The following CCDC171 variants were observed in gnomAD, a reference collection of about 807,000 sequenced individuals.
CCDC171 encodes the protein coiled-coil domain containing 171, also known as coiled-coil domain-containing protein 171.
In CCDC171, 177 loss-of-function variants were observed where a neutral mutation model predicts 168.2. The ratio of observed to expected loss-of-function variants is 1.05; its 90% CI spans 0.93 to 1.19. The LOEUF (loss-of-function observed/expected upper bound fraction) is 1.19, where lower values mean the gene tolerates loss of function less well. Ranked by LOEUF, CCDC171 falls within the 50% of genes most tolerant of loss-of-function variation. The probability of loss-of-function intolerance (pLI) is 0.00; values close to 1 mark genes in which losing one functional copy is unlikely to be tolerated. For missense variants in CCDC171, 1,991 were observed against 1,539.0 expected, an observed-to-expected ratio of 1.29 and a Z score of -4.91; for synonymous variants, 687 against 540.8, an observed-to-expected ratio of 1.27 and a Z score of -3.75.
At chr9:15,992,994 A>G (rs1832249482) in intron 3 of CCDC171, among the ~76,000 whole-genome samples, 1 of 152,240 alleles carries the variant, frequency 6.6e-6, no homozygotes, top group South Asian at 2.1e-4. Flanking sequence ...AGGAAGAATC[A>G]ATATCATGAA....
At chr9:15,901,786 G>A (rs1177133584) in intron 24 of CCDC171, among the ~76,000 whole-genome samples, 1 of 152,160 alleles carries the variant, frequency 6.6e-6, no homozygotes, top group African/African-American at 2.4e-5. Context: ...GGGGCTGAAA[G>A]TGGCATCATT....
At chr9:15,970,110 G>C (rs1255163723) in intron 25 of CCDC171, among the ~76,000 whole-genome samples, 1 of 152,098 alleles carries the variant, frequency 6.6e-6, no homozygotes, top group African/African-American at 2.4e-5. Flanking sequence ...TCAGCTATTG[G>C]CCTGCAGTAG....
the CCDC171 span, among the ~76,000 whole-genome samples, chr9:16,070,365 A>T: frequency 6.6e-6 from 1 of 152,188 alleles, no homozygotes; most frequent in Non-Finnish European, 1.5e-5. Context: ...TGGAAAAAGT[A>T]CCTGCTGGGA....
intron 8 of CCDC171, among the ~76,000 whole-genome samples, chr9:15,658,730 A>G (rs1022026823): frequency 3.3e-5 from 5 of 152,156 alleles, no homozygotes; most frequent in Non-Finnish European, 5.9e-5. Flanking sequence ...GGCCTCCAGA[A>G]GTTAGAAAAG....
At chr9:15,858,435 C>T (rs1312458555) in intron 23 of CCDC171, among the ~76,000 whole-genome samples, 5 of 151,982 alleles carry the variant, frequency 3.3e-5, no homozygotes, top group Admixed American at 3.3e-4. Flanking sequence ...TTTAGAATTG[C>T]TTTTTCTATT....
At chr9:15,789,517 A>G (rs955275603) in intron 21 of CCDC171, among the ~76,000 whole-genome samples, 12 of 152,220 alleles carry the variant, frequency 7.9e-5, no homozygotes, top group African/African-American at 2.9e-4. Flanking sequence ...CTATCTGGAA[A>G]AAGGCTTGCC....
intron 21 of CCDC171, among the ~76,000 whole-genome samples, chr9:15,837,572 A>G (rs1389530903): frequency 6.6e-6 from 1 of 152,224 alleles, no homozygotes; most frequent in African/African-American, 2.4e-5. Flanking sequence ...TTTCATAAGC[A>G]CAATTCCTCA....
chr9:15,642,044 G>T (rs573850066), intron 7 of CCDC171, among the ~76,000 whole-genome samples: 1 of 151,990 alleles, frequency 6.6e-6, no homozygotes, highest in African/African-American at 2.4e-5. Flanking sequence ...TGTGCTTGTG[G>T]TCCCAGCTAC....
chr9:16,009,838 T>G (rs896123317), intron 3 of CCDC171, among the ~76,000 whole-genome samples: 2 of 152,118 alleles, frequency 1.3e-5, no homozygotes, highest in Non-Finnish European at 2.9e-5. Flanking sequence ...AAAAATAAAT[T>G]TGAGGAAAAA....
chr9:16,045,477 C>T (rs533440972), intron 1 of CCDC171, among the ~76,000 whole-genome samples: 4 of 152,296 alleles, frequency 2.6e-5, no homozygotes, highest in East Asian at 1.9e-4. Context: ...CCTTCCTTCA[C>T]GGCTTATTGT....
intron 3 of CCDC171, among the ~76,000 whole-genome samples, chr9:15,979,974 A>G (rs1044641626): frequency 2.3e-4 from 35 of 152,094 alleles, no homozygotes; most frequent in African/African-American, 7.2e-4. Flanking sequence ...TAAAATATAC[A>G]TAACATAAAA....
At chr9:16,101,705 G>A in the CCDC171 span, among the ~76,000 whole-genome samples, 6 of 152,246 alleles carry the variant, frequency 3.9e-5, no homozygotes, top group Admixed American at 1.3e-4. Context: ...GGAGCAAACT[G>A]CTGTGTTGTG....
downstream of CCDC171, among the ~76,000 whole-genome samples, chr9:16,065,462 C>T (rs1272630172): frequency 1.3e-5 from 2 of 151,928 alleles, no homozygotes; most frequent in African/African-American, 4.8e-5. Flanking sequence ...TTGGAAAGCT[C>T]GAGGGGCCCT....
At chr9:15,767,222 T>C (rs887648574) in intron 18 of CCDC171, among the ~76,000 whole-genome samples, 9 of 152,316 alleles carry the variant, frequency 5.9e-5, no homozygotes, top group East Asian at 3.9e-4. Flanking sequence ...ATAGGTCTTA[T>C]TGGGCCAAAA....
intron 24 of CCDC171, among the ~76,000 whole-genome samples, chr9:15,889,602 T>C (rs1819920193): frequency 6.6e-6 from 1 of 152,188 alleles, no homozygotes; most frequent in Non-Finnish European, 1.5e-5. Context: ...CTTGCTTGTG[T>C]ATAGTACCTG....
chr9:15,703,877 C>T (rs546455012), intron 11 of CCDC171, among the ~76,000 whole-genome samples: 1 of 152,128 alleles, frequency 6.6e-6, no homozygotes, highest in Non-Finnish European at 1.5e-5. Flanking sequence ...CTTCTATGGG[C>T]ATGGTTTGTG....
chr9:16,062,725 T>C (rs765019471), downstream of CCDC171, among the ~76,000 whole-genome samples: 1 of 152,066 alleles, frequency 6.6e-6, no homozygotes, highest in Non-Finnish European at 1.5e-5. Context: ...GCCTGGAGTG[T>C]GTTGGTGAGA....
intron 18 of CCDC171, among the ~76,000 whole-genome samples, chr9:15,752,091 C>G (rs1372778723): frequency 6.6e-6 from 1 of 152,154 alleles, no homozygotes; most frequent in African/African-American, 2.4e-5. Flanking sequence ...AAAAAGTGGG[C>G]AAAGGATATG....
At chr9:15,879,585 A>G (rs1818339915) in intron 24 of CCDC171, among the ~76,000 whole-genome samples, 1 of 152,100 alleles carries the variant, frequency 6.6e-6, no homozygotes, top group Non-Finnish European at 1.5e-5. Context: ...CTTGGGCCAT[A>G]CTATTTGTGT....
Sources: gnomAD v4.1 joint callset for allele counts (sites outside exome capture counted in the v4.1 genomes callset) on GRCh38, gnomAD v4.1.1 for gene constraint, MANE v1.5 for transcripts, NCBI Gene and HGNC (gene_info 2026-07-23, HGNC 2026-07-21) for gene names.